FAM151B: variants seen among roughly 807,000 people sequenced by gnomAD.
FAM151B encodes the protein protein FAM151B.
FAM151B carries 24 observed loss-of-function variants against 31.2 expected under a neutral mutation model. The ratio of observed to expected loss-of-function variants is 0.77; its 90% CI spans 0.56 to 1.08. The LOEUF is 1.08. Ranked by LOEUF, FAM151B falls within the 50% of genes least tolerant of loss-of-function variation. The pLI is 0.00. For missense variants in FAM151B, 293 were observed against 328.6 expected (o/e 0.89, Z 0.84); for synonymous variants, 105 against 111.4 (o/e 0.94, Z 0.36).
At chr5:80,515,843 G>A (rs889191) in intron 3 of FAM151B, among the ~76,000 whole-genome samples, 88,534 of 152,032 alleles carry the variant, frequency 0.58, 26,290 homozygotes, top group Middle Eastern at 0.66. Flanking sequence ...TGGAGGGGCT[G>A]AGGAGCCCGC....
intron 5 of FAM151B, among the ~76,000 whole-genome samples, chr5:80,538,549 CTT>C (rs1408460451): frequency 1.5e-5 from 2 of 132,122 alleles, no homozygotes; most frequent in African/African-American, 2.9e-5. Flanking sequence ...TCCTTCCTTC[CTT>C]CCTTCCTTCC....
chr5:80,542,485 G>A lies in FAM151B; in HGVS notation c.*653G>A, dbSNP rs1178788311. ...GGAGAGCAGTTTTAGTCTTTGTTATGTATCATTTGTTTTCCAAGTTTCTTA... is the reference window on the plus strand; with the variant it reads ...GGAGAGCAGTTTTAGTCTTTGTTATATATCATTTGTTTTCCAAGTTTCTTA... On this transcript the variant is annotated 3_prime_UTR_variant, in exon 6 of 6. Coordinates refer to ENST00000282226, the MANE Select transcript of FAM151B (RefSeq NM_205548.3). 6.6e-6 allele frequency: 1 copy of A among 151,716 alleles called. No homozygotes were observed. Among genetic ancestry groups the A allele is most frequent in the Non-Finnish European group, 1.5e-5 (1 of 67,938 alleles). 9.4% of individuals were successfully genotyped at this position (151,716 alleles called of 1,614,324 possible).
intron 5 of FAM151B, among the ~76,000 whole-genome samples, chr5:80,524,898 A>G (rs1186874445): frequency 6.6e-6 from 1 of 152,182 alleles, no homozygotes; most frequent in Non-Finnish European, 1.5e-5. Flanking sequence ...GATCATCCAC[A>G]GATCTTTAGC....
intron 5 of FAM151B, among the ~76,000 whole-genome samples, chr5:80,527,981 C>CT (rs1745046989): frequency 1.3e-5 from 2 of 152,104 alleles, no homozygotes; most frequent in Non-Finnish European, 2.9e-5. Context: ...AAAATATTTC[C>CT]TTTCTTTATA....
At chr5:80,526,628 T>C (rs1253217273) in intron 5 of FAM151B, among the ~76,000 whole-genome samples, 1 of 151,908 alleles carries the variant, frequency 6.6e-6, no homozygotes, top group African/African-American at 2.4e-5. Flanking sequence ...TAAAAAAAAA[T>C]AGTCTTTCAA....
chr5:80,522,951 T>C (rs1744788834), intron 5 of FAM151B, among the ~76,000 whole-genome samples: 1 of 152,114 alleles, frequency 6.6e-6, no homozygotes, highest in Non-Finnish European at 1.5e-5. Flanking sequence ...TCATGGAACT[T>C]AGTGTAGAAA....
chr5:80,539,747 C>A (rs1333458773), intron 5 of FAM151B, among the ~76,000 whole-genome samples: 2 of 150,888 alleles, frequency 1.3e-5, no homozygotes, highest in African/African-American at 4.9e-5. Flanking sequence ...CTGCCTCGGC[C>A]TCCCCAAGTG....
chr5:80,518,360 T>A (rs1164875495), intron 3 of FAM151B, among the ~76,000 whole-genome samples: 12 of 152,200 alleles, frequency 7.9e-5, no homozygotes, highest in Non-Finnish European at 1.8e-4. Flanking sequence ...ACTTGGCTGC[T>A]GCTATGGGAC....
intron 5 of FAM151B, among the ~76,000 whole-genome samples, chr5:80,529,931 C>CA (rs1468258485): frequency 6.6e-6 from 1 of 151,936 alleles, no homozygotes; most frequent in East Asian, 1.9e-4. Context: ...AAAGACACAA[C>CA]AAAAAAAGAA....
In FAM151B at chr5:80,513,650, A is replaced by G. The variant is rs757991789; in HGVS notation, c.198A>G (p.Gly66=). Residue 66 remains glycine, a synonymous_variant, in exon 3 of 6, where the codon GGA becomes GGG. Coordinates refer to ENST00000282226, the MANE Select transcript of FAM151B (RefSeq NM_205548.3). ...IEADVLLPSD[G]SEHSQPIMAH... Reference sequence around the variant, plus strand: ...CTGATGTCCTTCTTCCAAGTGATGGATCAGAACACAGCCAGCCAATTATGG... The same window carrying G: ...CTGATGTCCTTCTTCCAAGTGATGGGTCAGAACACAGCCAGCCAATTATGG... 6.2e-7 allele frequency: 1 copy of G among 1,614,014 alleles called. No homozygotes were observed. The highest frequency in any genetic ancestry group is 1.7e-5 in the Admixed American group (1 of 59,996).
At chr5:80,541,587 TAAATG>T (rs1580468399) in intron 5 of FAM151B, 81 bp from the exon 6 acceptor site, 1 of 1,275,892 alleles carries the variant, frequency 7.8e-7, no homozygotes, top group East Asian at 2.3e-5. Flanking sequence ...GAGTTAGAGA[TAAATG>T]AAAGCATTTT....
intron 2 of FAM151B, among the ~76,000 whole-genome samples, chr5:80,503,726 A>C (rs1489230375): frequency 6.6e-6 from 1 of 152,174 alleles, no homozygotes; most frequent in Non-Finnish European, 1.5e-5. Flanking sequence ...CCCTTTTGCC[A>C]TCATAGCCTG....
intron 5 of FAM151B, among the ~76,000 whole-genome samples, chr5:80,539,458 T>G (rs1745769122): frequency 6.6e-6 from 1 of 152,118 alleles, no homozygotes; most frequent in Non-Finnish European, 1.5e-5. Flanking sequence ...GGAGTTTTGT[T>G]TTTTTACTTT....
intron 5 of FAM151B, among the ~76,000 whole-genome samples, chr5:80,539,889 C>T (rs1745798923): frequency 6.6e-6 from 1 of 152,074 alleles, no homozygotes; most frequent in South Asian, 2.1e-4. Context: ...ACCACATCTC[C>T]TTCACCCAGA....
At chr5:80,488,238 C>G (rs1394412331) in intron 1 of FAM151B, 90 bp downstream of exon 1, 2 of 1,452,434 alleles carry the variant, frequency 1.4e-6, no homozygotes, top group Admixed American at 2.3e-5. Flanking sequence ...CTCCCGCGGT[C>G]TTCCTTGCTA....
At chr5:80,530,332 G>A (rs1745175751) in intron 5 of FAM151B, among the ~76,000 whole-genome samples, 2 of 152,008 alleles carry the variant, frequency 1.3e-5, no homozygotes, top group South Asian at 4.2e-4. Flanking sequence ...GCACAAGACA[G>A]GGATGCCCTC....
In FAM151B at chr5:80,528,978, T is replaced by C. The variant is rs184520206; in HGVS notation, c.671+6840T>C. On this transcript the variant is annotated intron_variant, in intron 5 of 5. Coordinates refer to ENST00000282226, the MANE Select transcript of FAM151B (RefSeq NM_205548.3). ...CGCATTTATTCCAAAATTGACCACA[T>C]AGTTGGAAGTGAAGTACTCCTCACC... is the stretch of plus-strand genomic sequence containing the variant. Among the ~76,000 whole-genome samples the C allele has an allele frequency of 7.9e-5, 12 of 152,262 alleles. No homozygotes were observed. The East Asian group carries it at 2.1e-3, about 27-fold the overall frequency.
intron 1 of FAM151B, among the ~76,000 whole-genome samples, chr5:80,489,852 A>T (rs531286900): frequency 2.6e-5 from 4 of 151,614 alleles, no homozygotes; most frequent in Admixed American, 1.3e-4. Context: ...TGAACCCGGG[A>T]GGCGGAGCTT....
intron 4 of FAM151B, among the ~76,000 whole-genome samples, chr5:80,520,303 C>T (rs1272713526): frequency 6.6e-6 from 1 of 151,844 alleles, no homozygotes; most frequent in Non-Finnish European, 1.5e-5. Flanking sequence ...ACTGACTGAC[C>T]AATATTTTTT....
Sources: gnomAD v4.1 joint callset for allele counts (sites outside exome capture counted in the v4.1 genomes callset) on GRCh38, gnomAD v4.1.1 for gene constraint, MANE v1.5 for transcripts, NCBI Gene and HGNC (gene_info 2026-07-23, HGNC 2026-07-21) for gene names.